The following ACACA variants were observed in gnomAD, a reference collection of about 807,000 sequenced individuals.
ACACA encodes acetyl-CoA carboxylase alpha.
ACACA carries 103 observed loss-of-function variants against 296.1 expected under a neutral mutation model. That is an observed-to-expected ratio of 0.35 (90% CI 0.30 to 0.41). ACACA has a LOEUF of 0.41. ACACA is among the 10% of genes least tolerant of loss of function. The probability of loss-of-function intolerance (pLI) is 1.00; values close to 1 mark genes in which losing one functional copy is unlikely to be tolerated. For missense variants in ACACA, 1,554 were observed against 2,989.7 expected (o/e 0.52, Z 11.20); for synonymous variants, 953 against 1,038.6 (o/e 0.92, Z 1.58).
chr17:37,251,330 C>T (rs2080985463), intron 16 of ACACA, among the ~76,000 whole-genome samples: 1 of 152,192 alleles, frequency 6.6e-6, no homozygotes, highest in African/African-American at 2.4e-5. Context: ...AGATACTTAT[C>T]ATAGGACTTG....
chr17:37,301,410 C>T lies in ACACA; in HGVS notation c.339-16440G>A, dbSNP rs1425317756. The T allele has an allele frequency of 2.3e-5, 23 of 985,286 alleles. No individual in the cohort carries two copies. In the East Asian group the frequency reaches 6.8e-4, roughly 29 times the overall value. 61.0% of individuals were successfully genotyped at this position (985,286 alleles called of 1,614,324 possible). ...CACAAAATCCAACTAGAAGCCCACA[C>T]TGATCCCAGCATTGTAACATGCCAA... On this transcript the variant is annotated intron_variant, in intron 3 of 55. Coordinates refer to ENST00000616317, the MANE Select transcript of ACACA (RefSeq NM_198834.3).
chr17:37,129,109 C>T (rs1372043121), intron 47 of ACACA, among the ~76,000 whole-genome samples: 2 of 152,164 alleles, frequency 1.3e-5, no homozygotes, highest in Non-Finnish European at 2.9e-5. Flanking sequence ...ACAGAATAAA[C>T]AGAAGAAATG....
intron 15 of ACACA, 35 bp from the exon 16 acceptor site, chr17:37,252,143 T>A: frequency 6.5e-7 from 1 of 1,541,304 alleles, no homozygotes; most frequent in Non-Finnish European, 9.0e-7. Flanking sequence ...ATCAAATGCA[T>A]GGTCACTTGG....
chr17:37,322,275 C>T (rs779620791), intron 3 of ACACA, among the ~76,000 whole-genome samples: 43 of 152,124 alleles, frequency 2.8e-4, no homozygotes, highest in Non-Finnish European at 4.7e-4. Context: ...AGACATCTTA[C>T]GCTGGTTTTA....
Position 37,390,946 on chromosome 17 carries a change from G to A in ACACA, c.38+15316C>T, listed in dbSNP as rs149293011. ...ACACAATAAGCTACTAAATGATAAA[G>A]GAATAAAAATAGGGCCAGGCGTGGT... is the stretch of plus-strand genomic sequence containing the variant. On this transcript the variant is annotated intron_variant, in intron 1 of 55. Coordinates refer to ENST00000616317, the MANE Select transcript of ACACA (RefSeq NM_198834.3). Among the ~76,000 whole-genome samples the A allele has an allele frequency of 8.3e-3, 1,255 of 152,072 alleles. 4 individuals are homozygous for A. The highest frequency in any genetic ancestry group is 0.014 in the Middle Eastern group (4 of 294).
At position 37,113,320 on chromosome 17, in the gene ACACA, A is replaced by G; in HGVS notation, c.6275-55T>C. 1 of 1,571,436 alleles carries G rather than the reference A, an allele frequency of 6.4e-7. No individual in the cohort carries two copies. The highest frequency in any genetic ancestry group is 2.3e-5 in the East Asian group (1 of 43,718). On this transcript the variant is annotated intron_variant, in intron 50 of 55. Coordinates refer to ENST00000616317, the MANE Select transcript of ACACA (RefSeq NM_198834.3). This position sits in a 1 kb window ranked among gnomAD's most constrained non-coding sequence, Gnocchi z 4.0. ...AGAAATTTCTCTTCCTCAAAGCAGT[A>G]CTTTTAAACACTGTTCAGGACCTCT... is the stretch of plus-strand genomic sequence containing the variant.
intron 41 of ACACA, among the ~76,000 whole-genome samples, chr17:37,177,270 G>C (rs887738421): frequency 3.5e-5 from 1 of 28,696 alleles, no homozygotes; most frequent in Admixed American, 6.3e-4. Context: ...TAAAAAATTC[G>C]TGTGTGTGTG....
chr17:37,334,461 A>C (rs2048019278), intron 2 of ACACA, among the ~76,000 whole-genome samples: 1 of 151,964 alleles, frequency 6.6e-6, no homozygotes, highest in South Asian at 2.1e-4. Flanking sequence ...GAAGGAAACT[A>C]CCCAGCCATT....
chr17:37,181,900 CAAAAAA>C (rs61045031), intron 39 of ACACA, among the ~76,000 whole-genome samples: 38 of 22,236 alleles, frequency 1.7e-3, no homozygotes, highest in Admixed American at 5.8e-3. Flanking sequence ...ACTCTGTATC[CAAAAAA>C]AAAAAAAAAA....
intron 14 of ACACA, among the ~76,000 whole-genome samples, chr17:37,254,167 A>G (rs1274359295): frequency 2.0e-5 from 3 of 152,214 alleles, no homozygotes; most frequent in Admixed American, 6.5e-5. Flanking sequence ...TTCAAAATAT[A>G]TGGCAGAATA....
At chr17:37,272,576 G>A (rs1406944624) in intron 9 of ACACA, among the ~76,000 whole-genome samples, 2 of 151,894 alleles carry the variant, frequency 1.3e-5, no homozygotes, top group Non-Finnish European at 2.9e-5. Flanking sequence ...AAAAAAAAAG[G>A]GGGTATCCCA....
intron 17 of ACACA, 92 bp from the exon 18 acceptor site, chr17:37,248,248 C>T: frequency 1.3e-6 from 2 of 1,495,084 alleles, no homozygotes; most frequent in East Asian, 4.5e-5. Flanking sequence ...TAAGAAAGAT[C>T]TGTCAGGAGG....
At chr17:37,238,730 T>C (rs2080241187) in intron 24 of ACACA, among the ~76,000 whole-genome samples, 1 of 152,062 alleles carries the variant, frequency 6.6e-6, no homozygotes, top group Non-Finnish European at 1.5e-5. Context: ...TTTACTATTA[T>C]AATATTCTTG....
Position 37,192,031 on chromosome 17 carries a change from A to G in ACACA, c.4416+59T>C. On this transcript the variant is annotated intron_variant, in intron 37 of 55. Coordinates refer to ENST00000616317, the MANE Select transcript of ACACA (RefSeq NM_198834.3). ...GAAGCATAATACCTAATTTTGAATCATATCTATTATTCTGTCCCTTCCCTC... is the reference window on the plus strand; with the variant it reads ...GAAGCATAATACCTAATTTTGAATCGTATCTATTATTCTGTCCCTTCCCTC... 14 of 1,522,506 alleles carry G rather than the reference A, an allele frequency of 9.2e-6. 1 individual carries two copies. The highest frequency in any genetic ancestry group is 1.1e-5 in the South Asian group (1 of 88,322). 94.3% of individuals were successfully genotyped at this position (1,522,506 alleles called of 1,614,324 possible).
intron 1 of ACACA, among the ~76,000 whole-genome samples, chr17:37,374,098 C>T (rs978803951): frequency 6.6e-6 from 1 of 152,102 alleles, no homozygotes; most frequent in Non-Finnish European, 1.5e-5. Context: ...GTGGCTCACA[C>T]CTGTAACCCC....
rs2080831800 is a variant in ACACA, at chr17:37,248,612, C to T, written c.2144G>A (p.Gly715Glu). Residue 715 changes from glycine (G) to glutamate (E), a missense_variant, in exon 17 of 56, where the codon GGA (glycine) becomes GAA (glutamate). Physicochemically the swap from Gly to Glu is moderately conservative, Grantham distance 98. Coordinates refer to ENST00000616317, the MANE Select transcript of ACACA (RefSeq NM_198834.3). ...GCATACCTTAAGTACATACTTGACT[C>T]CCTCATAGATAAGTTCAACATCTAC... ...NTVDVELIYE[G>E]VKYVLKVTRQ... is the part of the protein sequence containing the mutation. The T allele has an allele frequency of 6.2e-7, 1 of 1,609,638 alleles. No individual in the cohort carries two copies. Among genetic ancestry groups the T allele is most frequent in the Non-Finnish European group, 8.5e-7 (1 of 1,176,540 alleles).
chr17:37,142,946 G>C (rs563410136), intron 45 of ACACA, among the ~76,000 whole-genome samples: 3 of 152,128 alleles, frequency 2.0e-5, no homozygotes, highest in Non-Finnish European at 4.4e-5. Context: ...CCAGAACCAG[G>C]ATAAGAAATT....
At position 37,268,741 on chromosome 17, in the gene ACACA, C is replaced by CTATATATATATATATA. The variant is rs71368449; in HGVS notation, c.1119+1994_1119+2009dup. Among the ~76,000 whole-genome samples the CTATATATATATATATA allele has an allele frequency of 3.8e-4, 36 of 94,494 alleles. 1 individual carries two copies. Among genetic ancestry groups the CTATATATATATATATA allele is most frequent in the Middle Eastern group, 4.5e-3 (1 of 220 alleles). 62.0% of individuals were successfully genotyped at this position (94,494 alleles called of 152,430 possible). Reference sequence around the variant, plus strand: ...TCTATCTATCTATCTATCTATCTATCTATATATATATATATATATATATAT... The same window carrying CTATATATATATATATA: ...TCTATCTATCTATCTATCTATCTATCTATATATATATATATATATATATATATATATATATATATAT... On this transcript the variant is annotated intron_variant, in intron 10 of 55. Coordinates refer to ENST00000616317, the MANE Select transcript of ACACA (RefSeq NM_198834.3).
At chr17:37,264,569 T>A (rs1415926760) in intron 10 of ACACA, among the ~76,000 whole-genome samples, 4 of 152,212 alleles carry the variant, frequency 2.6e-5, no homozygotes, top group Admixed American at 2.6e-4. Context: ...TGGTTCTTTG[T>A]ATTTGTCTTG....
Sources: allele counts gnomAD v4.1 joint callset (sites outside exome capture counted in the v4.1 genomes callset), GRCh38; gene constraint gnomAD v4.1.1; non-coding constraint Gnocchi (gnomAD v3.1); transcripts MANE v1.5; gene names NCBI Gene and HGNC (gene_info 2026-07-23, HGNC 2026-07-21).